The following KLF12 variants were observed in gnomAD, a reference collection of about 807,000 sequenced individuals.
KLF12 encodes the protein KLF transcription factor 12, also known as Krueppel-like factor 12.
Under a neutral mutation model 37.8 loss-of-function variants are expected in KLF12, and 9 were observed. That is an observed-to-expected ratio of 0.24 (90% confidence interval 0.14 to 0.42). The LOEUF is 0.42. Ranked by LOEUF, KLF12 falls within the 10% of genes least tolerant of loss-of-function variation. The pLI, the probability that KLF12 is intolerant of heterozygous loss-of-function variation, is 1.00. For missense variants in KLF12, 411 were observed against 516.0 expected (o/e 0.80, Z 1.97); for synonymous variants, 208 against 202.1 (o/e 1.03, Z -0.25).
chr13:74,080,480 AAC>A (rs1389595128), intron 1 of KLF12, among the ~76,000 whole-genome samples: 4 of 152,128 alleles, frequency 2.6e-5, no homozygotes, highest in African/African-American at 9.6e-5. Context: ...TATAATACTT[AAC>A]ACAATTTAAC....
At chr13:74,126,140 C>A (rs1220066573) in intron 1 of KLF12, among the ~76,000 whole-genome samples, 2 of 152,070 alleles carry the variant, frequency 1.3e-5, no homozygotes, top group East Asian at 3.8e-4. Flanking sequence ...CTATACATGA[C>A]ATATAAGTTG....
intron 5 of KLF12, among the ~76,000 whole-genome samples, chr13:73,782,574 C>A (rs1274896193): frequency 1.3e-5 from 2 of 152,124 alleles, no homozygotes; most frequent in Non-Finnish European, 2.9e-5. Flanking sequence ...AGTGTTGCAA[C>A]ATGCTGTTAA....
chr13:74,275,864 TTCTA>T, the KLF12 span, among the ~76,000 whole-genome samples: 246 of 107,574 alleles, frequency 2.3e-3, 1 homozygote, highest in African/African-American at 4.8e-3. Context: ...CTTTCTTTCT[TTCTA>T]TCTTTCTTTC....
chr13:74,188,363 G>C, the KLF12 span, among the ~76,000 whole-genome samples: 1 of 152,004 alleles, frequency 6.6e-6, no homozygotes, highest in Non-Finnish European at 1.5e-5. Flanking sequence ...ATTTAAATTA[G>C]AATTATACCC....
At chr13:74,237,407 A>G in the KLF12 span, among the ~76,000 whole-genome samples, 1 of 143,490 alleles carries the variant, frequency 7.0e-6, no homozygotes. Flanking sequence ...TTGGCTCAGG[A>G]TTGATTTGGC....
chr13:74,055,567 C>T (rs1410584252), intron 1 of KLF12, among the ~76,000 whole-genome samples: 1 of 152,268 alleles, frequency 6.6e-6, no homozygotes, highest in Middle Eastern at 3.4e-3. Context: ...AAACTATAGG[C>T]ACAGTCAACC....
intron 1 of KLF12, among the ~76,000 whole-genome samples, chr13:74,059,944 G>A (rs1224258663): frequency 6.6e-6 from 1 of 152,160 alleles, no homozygotes; most frequent in Non-Finnish European, 1.5e-5. Flanking sequence ...TGTATATGGT[G>A]AGAGACAGGG....
At chr13:73,758,294 G>A (rs901143924) in intron 6 of KLF12, among the ~76,000 whole-genome samples, 9 of 152,250 alleles carry the variant, frequency 5.9e-5, no homozygotes, top group Non-Finnish European at 1.3e-4. Context: ...ATAAGAAGCA[G>A]TAGTTTAAGC....
chr13:73,994,796 T>C (rs1892062842), intron 2 of KLF12, among the ~76,000 whole-genome samples, 194 bp downstream of exon 2: 1 of 152,064 alleles, frequency 6.6e-6, no homozygotes, highest in South Asian at 2.1e-4. Flanking sequence ...AGGAAAAAAA[T>C]GAGGAGTTGC....
At chr13:73,740,510 T>C (rs377597714) in intron 6 of KLF12, among the ~76,000 whole-genome samples, 3 of 148,646 alleles carry the variant, frequency 2.0e-5, no homozygotes. Flanking sequence ...CTTTAGTTTA[T>C]TTTTATTTTT....
At chr13:74,089,820 A>C (rs933953256) in intron 1 of KLF12, among the ~76,000 whole-genome samples, 5 of 149,922 alleles carry the variant, frequency 3.3e-5, no homozygotes, top group African/African-American at 7.3e-5. Context: ...AAAAAAAAAA[A>C]AACAACCATG....
chr13:74,055,489 T>A (rs566664115), intron 1 of KLF12, among the ~76,000 whole-genome samples: 1 of 152,338 alleles, frequency 6.6e-6, no homozygotes, highest in East Asian at 1.9e-4. Flanking sequence ...CGTGCTCCAG[T>A]AGGTCTGATC....
At position 73,764,931 on chromosome 13, in the gene KLF12, T is replaced by A. The variant is rs758366009; in HGVS notation, c.869+7A>T. The A allele has an allele frequency of 6.6e-7, 1 of 1,505,280 alleles. No homozygotes were observed. The highest frequency in any genetic ancestry group is 1.1e-5 in the South Asian group (1 of 87,872). 93.2% of individuals were successfully genotyped at this position (1,505,280 alleles called of 1,614,324 possible). Reference sequence around the variant, plus strand: ...CTACAAATACTCATATTAGACTGTATACTCACCAAGGAAACTTTTGATTAT... The same window carrying A: ...CTACAAATACTCATATTAGACTGTAAACTCACCAAGGAAACTTTTGATTAT... On this transcript the variant is annotated splice_region_variant and intron_variant, in intron 6 of 7. Coordinates refer to ENST00000377669, the MANE Select transcript of KLF12 (RefSeq NM_007249.5).
the KLF12 span, among the ~76,000 whole-genome samples, chr13:74,180,857 G>T: frequency 3.3e-5 from 5 of 152,120 alleles, no homozygotes; most frequent in Non-Finnish European, 7.3e-5. Context: ...TATAGCTGAG[G>T]ATAAATGACA....
chr13:74,167,991 G>A, the KLF12 span, among the ~76,000 whole-genome samples: 61 of 152,296 alleles, frequency 4.0e-4, no homozygotes, highest in African/African-American at 1.3e-3. Flanking sequence ...TTCCCAACTG[G>A]TACATTTTTA....
the KLF12 span, among the ~76,000 whole-genome samples, chr13:74,217,676 G>A: frequency 1.3e-5 from 2 of 152,282 alleles, no homozygotes; most frequent in African/African-American, 4.8e-5. Flanking sequence ...GCAGTGAGCC[G>A]AGATTGCGCC....
the KLF12 span, among the ~76,000 whole-genome samples, chr13:74,226,844 C>A: frequency 3.9e-5 from 6 of 152,114 alleles, no homozygotes; most frequent in Admixed American, 3.9e-4. Flanking sequence ...TTACATATAG[C>A]AGACTCCCTC....
At chr13:73,971,390 G>A (rs1162538182) in intron 2 of KLF12, among the ~76,000 whole-genome samples, 1 of 152,070 alleles carries the variant, frequency 6.6e-6, no homozygotes, top group Non-Finnish European at 1.5e-5. Context: ...TCTAATGCAG[G>A]CACAGTAATA....
the KLF12 span, among the ~76,000 whole-genome samples, chr13:74,175,028 A>G: frequency 1.3e-5 from 2 of 152,148 alleles, no homozygotes; most frequent in African/African-American, 4.8e-5. Context: ...TACAACTCAC[A>G]CTGCAGATGC....
Sources: allele counts gnomAD v4.1 joint callset (sites outside exome capture counted in the v4.1 genomes callset), GRCh38; gene constraint gnomAD v4.1.1; transcripts MANE v1.5; gene names NCBI Gene and HGNC (gene_info 2026-07-23, HGNC 2026-07-21).